The following PXYLP1 variants were observed in gnomAD, a reference collection of about 807,000 sequenced individuals.
The protein encoded by PXYLP1 is 2-phosphoxylose phosphatase 1.
PXYLP1 carries 17 observed loss-of-function variants against 37.9 expected under a neutral mutation model. That is an observed-to-expected ratio of 0.45 (90% CI 0.31 to 0.67). The LOEUF (loss-of-function observed/expected upper bound fraction) is 0.67. Ranked by LOEUF, PXYLP1 falls within the 30% of genes least tolerant of loss-of-function variation. The pLI is 0.07. For synonymous variants in PXYLP1, 221 were observed against 232.2 expected (o/e 0.95, Z 0.44); for missense variants, 511 against 612.0 (o/e 0.84, Z 1.74).
chr3:141,274,060 A>G, intron 2 of PXYLP1: 2 of 987,748 alleles, frequency 2.0e-6, no homozygotes, highest in Middle Eastern at 5.2e-4. Flanking sequence ...GCCTGAGGTC[A>G]GCAGAGTTTC....
chr3:141,251,323 A>G (rs901303787), intron 1 of PXYLP1, among the ~76,000 whole-genome samples: 1 of 152,196 alleles, frequency 6.6e-6, no homozygotes, highest in Non-Finnish European at 1.5e-5. Context: ...GTTGCTCCTC[A>G]TCATGCCAGT....
At chr3:141,280,268 C>T (rs887690380) in intron 4 of PXYLP1, among the ~76,000 whole-genome samples, 3 of 152,240 alleles carry the variant, frequency 2.0e-5, no homozygotes, top group African/African-American at 7.2e-5. Context: ...GGATGCCAGC[C>T]TGCCCCGGGA....
chr3:141,249,498 A>T (rs951227921), intron 1 of PXYLP1, among the ~76,000 whole-genome samples: 2 of 144,668 alleles, frequency 1.4e-5, no homozygotes, highest in Non-Finnish European at 1.5e-5. Flanking sequence ...TTGCCTTTAA[A>T]AGTTTGACTT....
intron 2 of PXYLP1, among the ~76,000 whole-genome samples, chr3:141,269,732 G>A (rs888244740): frequency 6.6e-6 from 1 of 152,226 alleles, no homozygotes; most frequent in Non-Finnish European, 1.5e-5. Flanking sequence ...AAAAGGTTAA[G>A]GAGACAGGTT....
chr3:141,241,074 C>T (rs550189039), intron 1 of PXYLP1, among the ~76,000 whole-genome samples: 1 of 152,224 alleles, frequency 6.6e-6, no homozygotes, highest in Non-Finnish European at 1.5e-5. Flanking sequence ...CTCCAGCCCC[C>T]ACCCCAACCC....
Position 141,279,376 on chromosome 3 carries a change from A to G in PXYLP1, c.239-2A>G. 1 of 1,614,092 alleles carries G rather than the reference A, an allele frequency of 6.2e-7. No homozygotes were observed. Among genetic ancestry groups the G allele is most frequent in the Non-Finnish European group, 8.5e-7 (1 of 1,179,962 alleles). ...ACCAGACAATGTGCTTCTCTCGCGC[A>G]GGTCATGCCCCGCATCATTTTAAGC... On this transcript the variant is annotated splice_acceptor_variant, in intron 3 of 5. Transcript: ENST00000286353. LOFTEE classifies it high-confidence loss of function.
At position 141,274,148 on chromosome 3, in the gene PXYLP1, G is replaced by A. The variant is rs1941733173; in HGVS notation, c.80-4194G>A. 7 of 1,017,754 alleles carry A rather than the reference G, an allele frequency of 6.9e-6. No homozygotes were observed. The South Asian group carries it at 2.0e-4, about 30-fold the overall frequency. The allele number at this position is 1,017,754 out of a possible 1,614,324, so 63.0% of individuals were successfully genotyped here. A position where few individuals can be genotyped will look rare whatever the true frequency, so the allele number is the denominator to read the frequency against. On this transcript the variant is annotated intron_variant, in intron 2 of 5. Transcript: ENST00000286353. ...GGGAGGAGCAGTGTCCTGGAGCAGT[G>A]TCTGCCCCCAGCCCCTGGGTCTGTC...
At chr3:141,255,524 C>T (rs913679083) in intron 1 of PXYLP1, among the ~76,000 whole-genome samples, 3 of 152,216 alleles carry the variant, frequency 2.0e-5, no homozygotes, top group East Asian at 1.9e-4. Context: ...CTCACCCTGC[C>T]GGTGAAGCAG....
intron 2 of PXYLP1, chr3:141,274,331 T>A: frequency 7.2e-7 from 1 of 1,396,090 alleles, no homozygotes; most frequent in Non-Finnish European, 9.3e-7. Flanking sequence ...TCGACCCTGG[T>A]GAGGCCAACC....
intron 2 of PXYLP1, among the ~76,000 whole-genome samples, chr3:141,260,665 A>G (rs1364018141): frequency 2.6e-5 from 4 of 152,172 alleles, no homozygotes; most frequent in Non-Finnish European, 4.4e-5. Flanking sequence ...AGATTAGGTC[A>G]CCAGTATCAA....
At chr3:141,288,933 CA>C (rs1344774117) in intron 5 of PXYLP1, among the ~76,000 whole-genome samples, 2 of 152,156 alleles carry the variant, frequency 1.3e-5, no homozygotes, top group African/African-American at 4.8e-5. Context: ...TCTTTCTATG[CA>C]GTTAATTACT....
At chr3:141,241,491 CAGCCTTGGGGTCAGGGA>C (rs1462257353) in intron 1 of PXYLP1, among the ~76,000 whole-genome samples, 1 of 152,134 alleles carries the variant, frequency 6.6e-6, no homozygotes, top group African/African-American at 2.4e-5. Flanking sequence ...AGATGTCACC[CAGCCTTGGGGTCAGGGA>C]AGGCTTCCAG....
chr3:141,235,723 G>A (rs1261708893), intron 1 of PXYLP1, among the ~76,000 whole-genome samples: 1 of 152,210 alleles, frequency 6.6e-6, no homozygotes, highest in Non-Finnish European at 1.5e-5. Context: ...CGGCCCATTG[G>A]AGCCTCTCAA....
chr3:141,253,393 T>A (rs141898185), intron 1 of PXYLP1, among the ~76,000 whole-genome samples: 1 of 152,176 alleles, frequency 6.6e-6, no homozygotes, highest in Non-Finnish European at 1.5e-5. Flanking sequence ...GTTGGATGTA[T>A]CATCCCCCTC....
chr3:141,273,323 G>A (rs1373081534), intron 2 of PXYLP1: 2 of 985,304 alleles, frequency 2.0e-6, no homozygotes, highest in Non-Finnish European at 2.4e-6. Context: ...AGGACCTTAG[G>A]TAACTCCCTT....
At position 141,251,370 on chromosome 3, in the gene PXYLP1, G is replaced by A. The variant is rs375421951; in HGVS notation, c.-53-8753G>A. On this transcript the variant is annotated intron_variant, in intron 1 of 5. Transcript: ENST00000286353. ...TGGAATAGGAGAAGAAAAACGTCAG[G>A]ATGGTCTGGGGCAGGCAGCTTCCTT... Among the ~76,000 whole-genome samples the A allele has an allele frequency of 1.8e-4, 28 of 152,320 alleles. 2 individuals are homozygous for A. The highest frequency in any genetic ancestry group is 6.5e-4 in the African/African-American group (27 of 41,574).
chr3:141,270,352 A>G (rs985961337), intron 2 of PXYLP1, among the ~76,000 whole-genome samples: 2 of 152,256 alleles, frequency 1.3e-5, no homozygotes, highest in Non-Finnish European at 2.9e-5. Flanking sequence ...CCTGTATAAC[A>G]TGATTCCCAC....
intron 5 of PXYLP1, among the ~76,000 whole-genome samples, chr3:141,288,910 T>G (rs1216872417): frequency 6.6e-6 from 1 of 152,192 alleles, no homozygotes; most frequent in Non-Finnish European, 1.5e-5. Flanking sequence ...AATGAATGAA[T>G]GAATGAATGT....
At position 141,262,812 on chromosome 3, in the gene PXYLP1, T is replaced by C. The variant is rs566827719; in HGVS notation, c.79+2558T>C. 1.4e-4 allele frequency: 143 copies of C among 999,412 alleles called. 1 individual carries two copies. The South Asian group carries it at 1.9e-3, about 13-fold the overall frequency. 61.9% of individuals were successfully genotyped at this position (999,412 alleles called of 1,614,324 possible). Reference sequence around the variant, plus strand: ...AATTGCTTTATTGGTTGCTTATTATTATACTGTAAGAAACAGCACTAATTC... The same window carrying C: ...AATTGCTTTATTGGTTGCTTATTATCATACTGTAAGAAACAGCACTAATTC... On this transcript the variant is annotated intron_variant, in intron 2 of 5. Transcript: ENST00000286353.
Sources: gnomAD v4.1 joint callset for allele counts (sites outside exome capture counted in the v4.1 genomes callset) on GRCh38, gnomAD v4.1.1 for gene constraint, MANE v1.5 for transcripts, NCBI Gene and HGNC (gene_info 2026-07-23, HGNC 2026-07-21) for gene names.